RBFOX1: variants seen among roughly 807,000 people sequenced by gnomAD.
RBFOX1 encodes RNA binding protein fox-1 homolog 1.
Under a neutral mutation model 57.7 loss-of-function variants are expected in RBFOX1, and 8 were observed. The ratio of observed to expected loss-of-function variants is 0.14; its 90% confidence interval spans 0.08 to 0.25. The LOEUF (loss-of-function observed/expected upper bound fraction) is 0.25. RBFOX1 is among the 10% of genes least tolerant of loss of function. RBFOX1 has a pLI of 1.00. For missense variants in RBFOX1, 611 were observed against 548.5 expected, an observed-to-expected ratio of 1.11 and a Z score of -1.14; for synonymous variants, 326 against 222.4, an observed-to-expected ratio of 1.47 and a Z score of -4.15.
At chr16:7,374,945 G>A (rs965076110) in intron 4 of RBFOX1, among the ~76,000 whole-genome samples, 4 of 152,128 alleles carry the variant, frequency 2.6e-5, no homozygotes, top group African/African-American at 9.7e-5. Context: ...AAATTTAAAC[G>A]GAGCCTGGAG....
At chr16:5,479,287 A>G (rs981663953) in intron 2 of RBFOX1, among the ~76,000 whole-genome samples, 1 of 152,064 alleles carries the variant, frequency 6.6e-6, no homozygotes, top group Non-Finnish European at 1.5e-5. Flanking sequence ...TGCCCTGTTC[A>G]TTGCTCATCT....
chr16:6,818,131 C>G (rs896331379), intron 3 of RBFOX1, among the ~76,000 whole-genome samples: 1 of 152,112 alleles, frequency 6.6e-6, no homozygotes, highest in Admixed American at 6.6e-5. Flanking sequence ...TATGGAAGCC[C>G]TTTTCTAGGT....
chr16:5,581,907 A>G (rs367888744), intron 2 of RBFOX1, among the ~76,000 whole-genome samples: 3 of 152,208 alleles, frequency 2.0e-5, no homozygotes, highest in African/African-American at 7.2e-5. Context: ...AACAGAAGCA[A>G]GGACGCTGTA....
In RBFOX1 at chr16:5,618,654, C is replaced by T. The variant is rs563459451; in HGVS notation, c.318+19693C>T. ...GCCCAGCTGGCTGTAGATTTTTGTA[C>T]GTAAGTTATACCTCAAAAAAACTGT... On this transcript the variant is annotated intron_variant, in intron 3 of 19. Transcript: ENST00000641259. Among the ~76,000 whole-genome samples the T allele has an allele frequency of 2.4e-3, 360 of 152,230 alleles. 2 individuals carry two copies. Among genetic ancestry groups the T allele is most frequent in the African/African-American group, 8.0e-3 (332 of 41,540 alleles).
intron 3 of RBFOX1, among the ~76,000 whole-genome samples, chr16:6,972,876 C>T (rs1277902454): frequency 3.3e-5 from 5 of 152,166 alleles, no homozygotes; most frequent in Non-Finnish European, 5.9e-5. Flanking sequence ...GTTATCACAA[C>T]ACTTTGGGAG....
intron 3 of RBFOX1, among the ~76,000 whole-genome samples, chr16:6,945,269 G>A (rs1423963684): frequency 6.6e-6 from 1 of 152,056 alleles, no homozygotes; most frequent in African/African-American, 2.4e-5. Flanking sequence ...TGTGACCTCT[G>A]TTAGCGTGTT....
chr16:5,429,913 G>T (rs1465226274), intron 1 of RBFOX1, among the ~76,000 whole-genome samples: 1 of 152,160 alleles, frequency 6.6e-6, no homozygotes, highest in Non-Finnish European at 1.5e-5. Flanking sequence ...CCTTGTGAAG[G>T]TTTTCCTAAA....
chr16:6,883,243 G>A (rs2063320980), intron 3 of RBFOX1, among the ~76,000 whole-genome samples: 1 of 152,150 alleles, frequency 6.6e-6, no homozygotes, highest in Admixed American at 6.5e-5. Context: ...GCTACACTAT[G>A]GGTTTTCTTT....
At chr16:6,793,887 A>G (rs2083433394) in intron 3 of RBFOX1, among the ~76,000 whole-genome samples, 1 of 152,126 alleles carries the variant, frequency 6.6e-6, no homozygotes, top group South Asian at 2.1e-4. Flanking sequence ...TAAAAAGGTT[A>G]TGAAACATCT....
intron 12 of RBFOX1, among the ~76,000 whole-genome samples, chr16:7,660,297 A>T (rs551745517): frequency 6.6e-6 from 1 of 152,344 alleles, no homozygotes; most frequent in African/African-American, 2.4e-5. Flanking sequence ...GATGTGATTG[A>T]CAAACAATAC....
At chr16:6,481,547 C>T (rs78819329) in intron 2 of RBFOX1, among the ~76,000 whole-genome samples, 1 of 152,292 alleles carries the variant, frequency 6.6e-6, no homozygotes, top group African/African-American at 2.4e-5. Context: ...TTCCACTGGG[C>T]ATGCCAGTGT....
intron 1 of RBFOX1, among the ~76,000 whole-genome samples, chr16:5,348,765 A>G (rs973234120): frequency 6.6e-6 from 1 of 152,220 alleles, no homozygotes. Flanking sequence ...GAAAATTCCT[A>G]TACCTGATGC....
chr16:6,267,588 A>G (rs1408944149), intron 1 of RBFOX1, among the ~76,000 whole-genome samples: 1 of 152,186 alleles, frequency 6.6e-6, no homozygotes, highest in African/African-American at 2.4e-5. Flanking sequence ...TTTTTTTACC[A>G]TAAGTTTTTC....
chr16:7,481,972 A>G (rs1765401980), intron 4 of RBFOX1, among the ~76,000 whole-genome samples: 1 of 152,200 alleles, frequency 6.6e-6, no homozygotes, highest in Non-Finnish European at 1.5e-5. Flanking sequence ...AGAACGCGAG[A>G]TACGGTTTCT....
chr16:5,585,615 C>A (rs998234624), intron 2 of RBFOX1, among the ~76,000 whole-genome samples: 1 of 152,134 alleles, frequency 6.6e-6, no homozygotes, highest in Admixed American at 6.5e-5. Context: ...ATGGGATATC[C>A]CGATGAAAGG....
chr16:7,638,241 C>T (rs1159023997), intron 11 of RBFOX1, among the ~76,000 whole-genome samples: 1 of 152,112 alleles, frequency 6.6e-6, no homozygotes, highest in Non-Finnish European at 1.5e-5. Flanking sequence ...TGTGCTAAGC[C>T]CTTCTCATTA....
In RBFOX1 at chr16:5,471,658, G is replaced by C. The variant is rs143217315; in HGVS notation, c.258+4404G>C. Among the ~76,000 whole-genome samples, 17 of 152,310 alleles carry C rather than the reference G, an allele frequency of 1.1e-4. No individual in the cohort carries two copies. In the East Asian group the frequency reaches 3.3e-3, roughly 29 times the overall value. Reference sequence around the variant, plus strand: ...CTTCCCCAAGGCAGAACATCCCCCAGGTCCTCACTCCTGAGTGTGATAAAG... The same window carrying C: ...CTTCCCCAAGGCAGAACATCCCCCACGTCCTCACTCCTGAGTGTGATAAAG... On this transcript the variant is annotated intron_variant, in intron 2 of 2. Coordinates refer to the RBFOX1 transcript ENST00000585867.
chr16:5,263,630 G>T (rs62021066), intron 1 of RBFOX1, among the ~76,000 whole-genome samples: 44,327 of 151,808 alleles, frequency 0.29, 6,947 homozygotes, highest in South Asian at 0.43. Context: ...AAGTGGAGAA[G>T]GTAGTTTGGG....
At chr16:7,194,089 C>G (rs1196799312) in intron 4 of RBFOX1, among the ~76,000 whole-genome samples, 1 of 152,058 alleles carries the variant, frequency 6.6e-6, no homozygotes, top group Non-Finnish European at 1.5e-5. Context: ...GAGTTATTCT[C>G]TTTCCATTTC....
Sources: allele counts gnomAD v4.1 joint callset (sites outside exome capture counted in the v4.1 genomes callset), GRCh38; gene constraint gnomAD v4.1.1; transcripts MANE v1.5; gene names NCBI Gene and HGNC (gene_info 2026-07-23, HGNC 2026-07-21).